RHBDF2: variants seen among roughly 807,000 people sequenced by gnomAD.
RHBDF2 encodes inactive rhomboid protein 2.
Under a neutral mutation model 95.2 loss-of-function variants are expected in RHBDF2, and 38 were observed. The ratio of observed to expected loss-of-function variants is 0.40; its 90% CI spans 0.31 to 0.52. The LOEUF (loss-of-function observed/expected upper bound fraction) is 0.52. RHBDF2 is among the 20% of genes least tolerant of loss of function. RHBDF2 has a pLI of 0.56. For synonymous variants in RHBDF2, 442 were observed against 462.0 expected, an observed-to-expected ratio of 0.96 and a Z score of 0.55; for missense variants, 863 against 1,137.7, an observed-to-expected ratio of 0.76 and a Z score of 3.47.
chr17:76,493,781 T>C (rs2144417929), intron 1 of RHBDF2, among the ~76,000 whole-genome samples: 1 of 152,330 alleles, frequency 6.6e-6, no homozygotes, highest in African/African-American at 2.4e-5. Context: ...CAGCTGCTGA[T>C]GGAGAGAAAC....
chr17:76,473,154 G>T (rs539763655), intron 16 of RHBDF2, 49 bp from the exon 17 acceptor site: 6 of 1,594,732 alleles, frequency 3.8e-6, no homozygotes, highest in East Asian at 4.5e-5. Flanking sequence ...GGCTGAGTCT[G>T]AGGCTCCGAC....
At chr17:76,481,741 T>TCAGG in intron 2 of RHBDF2, 196 bp from the exon 3 acceptor site, 1 of 434,922 alleles carries the variant, frequency 2.3e-6, no homozygotes, top group Non-Finnish European at 4.2e-6. Context: ...GATCACGAGG[T>TCAGG]CAGGAGATCG....
chr17:76,493,759 C>T (rs540658384), intron 1 of RHBDF2, among the ~76,000 whole-genome samples: 26 of 152,358 alleles, frequency 1.7e-4, no homozygotes, highest in South Asian at 4.1e-4. Context: ...CGCCGGTACA[C>T]GCTTCAGCCC....
intron 2 of RHBDF2, among the ~76,000 whole-genome samples, chr17:76,486,311 T>C (rs1186770954): frequency 1.3e-5 from 2 of 152,198 alleles, no homozygotes; most frequent in Non-Finnish European, 2.9e-5. Flanking sequence ...GGTTTCACCA[T>C]GTTGGCCAGG....
At chr17:76,481,303 G>A in intron 3 of RHBDF2, 72 bp downstream of exon 3, 1 of 1,513,356 alleles carries the variant, frequency 6.6e-7, no homozygotes, top group Non-Finnish European at 8.9e-7. Context: ...AAGTGAAACT[G>A]ACCAGAAAGT....
chr17:76,473,581 G>T, intron 15 of RHBDF2, 67 bp downstream of exon 15: 1 of 1,335,072 alleles, frequency 7.5e-7, no homozygotes, highest in South Asian at 1.3e-5. Context: ...GAGGAGCAGA[G>T]GGCCCACAGG....
Position 76,473,442 on chromosome 17 carries a change from C to T in RHBDF2, c.1734-115G>A, listed in dbSNP as rs116270168. Reference sequence around the variant, plus strand: ...GCATCGCTGGCAGGAAGGGGGATGCCGCATCCAGAACCTTCGACTCTGGAG... The same window carrying T: ...GCATCGCTGGCAGGAAGGGGGATGCTGCATCCAGAACCTTCGACTCTGGAG... On this transcript the variant is annotated intron_variant, in intron 15 of 18. Transcript: ENST00000675367. 3,613 of 1,069,860 alleles carry T rather than the reference C, an allele frequency of 3.4e-3. 58 individuals are homozygous for T. The African/African-American group carries it at 0.043, about 13-fold the overall frequency. The allele number at this position is 1,069,860 out of a possible 1,614,324, so 66.3% of individuals were successfully genotyped here. A position where few individuals can be genotyped will look rare whatever the true frequency, so the allele number is the denominator to read the frequency against.
chr17:76,500,700 A>G (rs2074555956), intron 1 of RHBDF2, among the ~76,000 whole-genome samples: 1 of 152,140 alleles, frequency 6.6e-6, no homozygotes, highest in South Asian at 2.1e-4. Flanking sequence ...ACCCTAGGGA[A>G]CTTATCCGTC....
Position 76,481,480 on chromosome 17 carries a change from G to A in RHBDF2, c.45C>T (p.Ser15=), listed in dbSNP as rs568568127. Residue 15 remains serine (S), a synonymous_variant, in exon 3 of 19, where the codon TCC becomes TCT. Transcript: ENST00000675367. ...GCTTCCGGCTCTGCAGGCGGCTGCT[G>A]GACACAGAGGACACGCTCCCGCCAT... ...DKNGGSVSSV[S]SSRLQSRKPP... 6.2e-6 allele frequency: 10 copies of A among 1,610,492 alleles called. No homozygotes were observed. In the South Asian group the frequency reaches 9.9e-5, roughly 16 times the overall value.
At chr17:76,481,597 T>G in intron 2 of RHBDF2, 52 bp from the exon 3 acceptor site, 1 of 1,513,406 alleles carries the variant, frequency 6.6e-7, no homozygotes. Context: ...TGGCGCAGTG[T>G]CAGGACCCTG....
In RHBDF2 at chr17:76,477,308, G is replaced by A. The variant is rs1380813080; in HGVS notation, c.802-10C>T. 3 of 1,610,348 alleles carry A rather than the reference G, an allele frequency of 1.9e-6. No individual in the cohort carries two copies. Among genetic ancestry groups the A allele is most frequent in the Non-Finnish European group, 1.7e-6 (2 of 1,178,766 alleles). On this transcript the variant is annotated splice_polypyrimidine_tract_variant and intron_variant, in intron 7 of 18. Transcript: ENST00000675367. ...TGGAGCTCATTTCTTCCTGGGGTGG[G>A]GGACAAGAAAATACAGTGTAAGGAG...
chr17:76,483,208 C>T (rs1445109023), intron 2 of RHBDF2, among the ~76,000 whole-genome samples: 2 of 152,202 alleles, frequency 1.3e-5, no homozygotes, highest in African/African-American at 2.4e-5. Flanking sequence ...AGCCACCAAG[C>T]CCAGCCCACA....
At chr17:76,493,954 CCT>C (rs566083482) in intron 1 of RHBDF2, among the ~76,000 whole-genome samples, 420 of 152,358 alleles carry the variant, frequency 2.8e-3, no homozygotes, top group Non-Finnish European at 4.9e-3. Flanking sequence ...CTGACCATCC[CCT>C]GACTTCTCTG....
intron 1 of RHBDF2, among the ~76,000 whole-genome samples, chr17:76,496,660 C>T (rs959568944): frequency 7.9e-5 from 12 of 152,338 alleles, no homozygotes; most frequent in Middle Eastern, 3.4e-3. Context: ...ATCATCCTCA[C>T]GGGCTGGCAA....
chr17:76,494,005 T>C (rs1486868445), intron 1 of RHBDF2, among the ~76,000 whole-genome samples: 1 of 152,130 alleles, frequency 6.6e-6, no homozygotes, highest in Non-Finnish European at 1.5e-5. Context: ...GGGCTCCCCT[T>C]AACCCGGTTA....
intron 7 of RHBDF2, 84 bp from the exon 8 acceptor site, chr17:76,477,382 AGC>A: frequency 6.8e-7 from 1 of 1,466,896 alleles, no homozygotes; most frequent in Non-Finnish European, 9.2e-7. Flanking sequence ...GGCAGGACAC[AGC>A]TGAACAGACG....
intron 14 of RHBDF2, 30 bp downstream of exon 14, chr17:76,473,809 C>T (rs2073671460): frequency 6.2e-7 from 1 of 1,613,788 alleles, no homozygotes; most frequent in East Asian, 2.2e-5. Flanking sequence ...CCCTGACCTT[C>T]CCAGACCACT....
intron 2 of RHBDF2, among the ~76,000 whole-genome samples, chr17:76,485,150 G>A (rs2074086495): frequency 1.3e-5 from 2 of 152,248 alleles, no homozygotes; most frequent in East Asian, 3.9e-4. Flanking sequence ...GCTCATGCCT[G>A]TAATCCCAGC....
At chr17:76,489,566 G>C (rs12950903) in intron 1 of RHBDF2, among the ~76,000 whole-genome samples, 58,241 of 151,944 alleles carry the variant, frequency 0.38, 12,250 homozygotes, top group Middle Eastern at 0.5. Context: ...CTCGTGATCC[G>C]CCTGCCTCGG....
Sources: gnomAD v4.1 joint callset for allele counts (sites outside exome capture counted in the v4.1 genomes callset) on GRCh38, gnomAD v4.1.1 for gene constraint, MANE v1.5 for transcripts, NCBI Gene and HGNC (gene_info 2026-07-23, HGNC 2026-07-21) for gene names.